KCTD15: variants seen among roughly 807,000 people sequenced by gnomAD.
The protein encoded by KCTD15 is BTB/POZ domain-containing protein KCTD15.
A neutral mutation model predicts 27.2 loss-of-function variants in KCTD15; 11 were observed. That is an observed-to-expected ratio of 0.41 (90% CI 0.25 to 0.67). The LOEUF (loss-of-function observed/expected upper bound fraction) is 0.67, where lower values mean the gene tolerates loss of function less well. Ranked by LOEUF, KCTD15 falls within the 30% of genes least tolerant of loss-of-function variation. The pLI, the probability that KCTD15 is intolerant of heterozygous loss-of-function variation, is 0.35. For missense variants in KCTD15, 350 were observed against 409.3 expected (o/e 0.86, Z 1.25); for synonymous variants, 163 against 176.0 (o/e 0.93, Z 0.58).
At chr19:33,811,189 C>A in intron 5 of KCTD15, 58 bp from the exon 6 acceptor site, 1 of 1,127,298 alleles carries the variant, frequency 8.9e-7, no homozygotes, top group Non-Finnish European at 1.2e-6. Context: ...CCCTCTCCCC[C>A]TTCCCCCACC....
rs1340097140 is a variant in KCTD15, at chr19:33,815,731, T to G, written c.*2783T>G. 6.6e-6 allele frequency: 1 copy of G among 151,394 alleles called. No individual in the cohort carries two copies. The highest frequency in any genetic ancestry group is 2.4e-5 in the African/African-American group (1 of 41,112). 9.4% of individuals were successfully genotyped at this position (151,394 alleles called of 1,614,324 possible). A position where few individuals can be genotyped will look rare whatever the true frequency, so the allele number is the denominator to read the frequency against. ...TTTAAAGCTACTGCTTGACTGTTCCTTAGAATAAATAAAGGATATTTTATA... is the reference window on the plus strand; with the variant it reads ...TTTAAAGCTACTGCTTGACTGTTCCGTAGAATAAATAAAGGATATTTTATA... On this transcript the variant is annotated 3_prime_UTR_variant, in exon 7 of 7. Transcript: ENST00000683859.
chr19:33,802,527 A>C (rs62101382), intron 4 of KCTD15, among the ~76,000 whole-genome samples: 7,637 of 152,122 alleles, frequency 0.05, 267 homozygotes, highest in Non-Finnish European at 0.08. Context: ...CTAGTTCCAA[A>C]TTTGGAGAGT....
At chr19:33,799,310 C>T (rs1975452761) in intron 2 of KCTD15, among the ~76,000 whole-genome samples, 1 of 152,156 alleles carries the variant, frequency 6.6e-6, no homozygotes, top group Admixed American at 6.5e-5. Context: ...ATTTTGATCC[C>T]AGAGTTTTAA....
Position 33,811,465 on chromosome 19 carries a change from C to T in KCTD15, c.606C>T (p.Cys202=), listed in dbSNP as rs1437851981. The change falls in exon 6 of 7, where the codon TGC becomes TGT. Residue 202 remains cysteine, a synonymous_variant. Coordinates refer to ENST00000683859, the MANE Select transcript of KCTD15 (RefSeq NM_001129994.2). ...EVFPETGDVM[C]NSVNAGWNQD... is the part of the protein sequence containing the mutation. ...TCCCCGAGACCGGAGACGTCATGTGCAACTCCGTCAACGCCGGCTGGAACC... is the reference window on the plus strand; with the variant it reads ...TCCCCGAGACCGGAGACGTCATGTGTAACTCCGTCAACGCCGGCTGGAACC... 1.2e-6 allele frequency: 2 copies of T among 1,612,850 alleles called. No homozygotes were observed. Among genetic ancestry groups the T allele is most frequent in the African/African-American group, 2.7e-5 (2 of 74,926 alleles).
At chr19:33,810,687 A>C (rs1009189286) in intron 5 of KCTD15, among the ~76,000 whole-genome samples, 1 of 149,018 alleles carries the variant, frequency 6.7e-6, no homozygotes, top group Admixed American at 6.7e-5. Context: ...AAAAAAAAAA[A>C]CAAAAAAAAA....
chr19:33,806,229 A>G (rs901842737), intron 4 of KCTD15, among the ~76,000 whole-genome samples: 1 of 147,038 alleles, frequency 6.8e-6, no homozygotes, highest in Admixed American at 6.7e-5. Context: ...GAGCGGCAGT[A>G]GGGGATTTGT....
intron 6 of KCTD15, chr19:33,812,578 T>C: frequency 7.8e-7 from 1 of 1,280,488 alleles, no homozygotes; most frequent in Non-Finnish European, 9.8e-7. Context: ...TTTGCTAACC[T>C]GAGGGGTCAC....
Position 33,811,362 on chromosome 19 carries a change from G to T in KCTD15, c.503G>T (p.Cys168Phe). The stretch of plus-strand genomic sequence containing the variant: ...CGGCGCCGCAGCCGGGCCTGTGACT[G>T]CCTGGTGGTGCGCGTCACGCCCGAC... Reference protein sequence around the residue: ...EQRRRSRACDCLVVRVTPDLG... With the variant: ...EQRRRSRACDFLVVRVTPDLG... Residue 168 changes from cysteine (C) to phenylalanine (F), a missense_variant, in exon 6 of 7, where the codon TGC becomes TTC. By Grantham distance (205) the Cys-to-Phe change is radical. This residue lies in a region of KCTD15 where 219 missense variants were observed against 234.9 expected (regional missense o/e 0.93). Coordinates refer to ENST00000683859, the MANE Select transcript of KCTD15 (RefSeq NM_001129994.2). 1.3e-6 allele frequency: 2 copies of T among 1,578,466 alleles called. No homozygotes were observed. The highest frequency in any genetic ancestry group is 1.7e-6 in the Non-Finnish European group (2 of 1,162,664).
At chr19:33,798,185 C>T (rs1320088985) in intron 1 of KCTD15, 1 of 152,256 alleles carries the variant, frequency 6.6e-6, no homozygotes, top group African/African-American at 2.4e-5. Context: ...GACTTTCGCC[C>T]CGGGCCAGCG....
intron 4 of KCTD15, among the ~76,000 whole-genome samples, chr19:33,803,837 C>A (rs1023263320): frequency 6.7e-6 from 1 of 150,102 alleles, no homozygotes; most frequent in African/African-American, 2.5e-5. Context: ...GAAATTGGAG[C>A]CAGAGCTTAA....
chr19:33,807,035 C>T (rs373172459), intron 5 of KCTD15, 28 bp downstream of exon 5: 42 of 1,609,730 alleles, frequency 2.6e-5, no homozygotes, highest in Middle Eastern at 1.8e-4. Context: ...GGCCCCCCTG[C>T]ACTGCCTGTG....
intron 4 of KCTD15, among the ~76,000 whole-genome samples, chr19:33,805,385 G>C (rs961382713): frequency 1.3e-5 from 2 of 152,238 alleles, no homozygotes; most frequent in Admixed American, 6.5e-5. Context: ...TGGGGGCTCT[G>C]ACTCCCTCAG....
chr19:33,811,192 C>CGA, intron 5 of KCTD15, 55 bp from the exon 6 acceptor site: 3 of 406,316 alleles, frequency 7.4e-6, no homozygotes, highest in Non-Finnish European at 1.3e-5. Flanking sequence ...TCTCCCCCTT[C>CGA]CCCCACCACC....
intron 5 of KCTD15, among the ~76,000 whole-genome samples, chr19:33,811,019 A>C (rs982970305): frequency 6.6e-6 from 1 of 152,122 alleles, no homozygotes; most frequent in Non-Finnish European, 1.5e-5. Context: ...GGGCTGGCAC[A>C]GGTGCACATC....
intron 2 of KCTD15, among the ~76,000 whole-genome samples, chr19:33,799,308 C>A (rs1220085479): frequency 6.6e-6 from 1 of 152,114 alleles, no homozygotes; most frequent in Non-Finnish European, 1.5e-5. Context: ...AAATTTTGAT[C>A]CCAGAGTTTT....
chr19:33,813,287 A>G lies in KCTD15; in HGVS notation c.*339A>G, dbSNP rs1179650910. On this transcript the variant is annotated 3_prime_UTR_variant, in exon 7 of 7. Transcript: ENST00000683859. ...GAAGAGCCGTCTGCAGCTACTTCAG[A>G]GGAGCTGTTTATCCCTCTCCACGCG... 6.9e-6 allele frequency: 4 copies of G among 576,712 alleles called. No individual in the cohort carries two copies. The highest frequency in any genetic ancestry group is 2.2e-5 in the Admixed American group (1 of 45,798). 35.7% of individuals were successfully genotyped at this position (576,712 alleles called of 1,614,324 possible). A position where few individuals can be genotyped will look rare whatever the true frequency, so the allele number is the denominator to read the frequency against.
chr19:33,796,489 C>G (rs1020376992), upstream of KCTD15: 3 of 150,260 alleles, frequency 2.0e-5, no homozygotes, highest in East Asian at 6.0e-4. Flanking sequence ...AGCCGAGCCC[C>G]GAGCCAGGAG....
At chr19:33,794,871 T>TCGGGC (rs1030983387), upstream of KCTD15, among the ~76,000 whole-genome samples, 3 of 152,248 alleles carry the variant, frequency 2.0e-5, no homozygotes, top group African/African-American at 4.8e-5. Context: ...GGCTGACCTC[T>TCGGGC]CGGGCCGGGC....
At chr19:33,807,601 T>C (rs1975754135) in intron 5 of KCTD15, among the ~76,000 whole-genome samples, 1 of 152,140 alleles carries the variant, frequency 6.6e-6, no homozygotes, top group African/African-American at 2.4e-5. Context: ...AGGCCTGTAA[T>C]CCCAGCTACT....
Sources: gnomAD v4.1 joint callset for allele counts (sites outside exome capture counted in the v4.1 genomes callset) on GRCh38, gnomAD v4.1.1 for gene constraint, gnomAD v4.1.1 regional missense constraint, MANE v1.5 for transcripts, NCBI Gene and HGNC (gene_info 2026-07-23, HGNC 2026-07-21) for gene names.